Variants in LRRC4C observed in about 807,000 individuals in gnomAD.
LRRC4C encodes leucine rich repeat containing 4C.
Under a neutral mutation model 33.6 loss-of-function variants are expected in LRRC4C, and 5 were observed. The ratio of observed to expected loss-of-function variants is 0.15; its 90% CI spans 0.08 to 0.31. The LOEUF (loss-of-function observed/expected upper bound fraction) is 0.31, where lower values mean the gene tolerates loss of function less well. Among genes scored for constraint, LRRC4C ranks in the 10% least tolerant of loss-of-function variants. The pLI, the probability that LRRC4C is intolerant of heterozygous loss-of-function variation, is 1.00. For synonymous variants in LRRC4C, 329 were observed against 302.0 expected (o/e 1.09, Z -0.93); for missense variants, 560 against 796.7 (o/e 0.70, Z 3.58).
At chr11:41,307,217 G>T (rs1950529835) in intron 1 of LRRC4C, among the ~76,000 whole-genome samples, 1 of 151,978 alleles carries the variant, frequency 6.6e-6, no homozygotes, top group Middle Eastern at 3.4e-3. Flanking sequence ...CAAAATGCAA[G>T]CACCAGTGAT....
At chr11:40,205,331 T>A (rs1451389632) in intron 5 of LRRC4C, among the ~76,000 whole-genome samples, 1 of 152,184 alleles carries the variant, frequency 6.6e-6, no homozygotes, top group Non-Finnish European at 1.5e-5. Flanking sequence ...CTTTCAGTAA[T>A]GTTTTCTTAA....
At chr11:40,704,871 G>C (rs1024724362) in intron 2 of LRRC4C, among the ~76,000 whole-genome samples, 1 of 151,942 alleles carries the variant, frequency 6.6e-6, no homozygotes, top group African/African-American at 2.4e-5. Context: ...AATTCTTTCT[G>C]TAAATATTGA....
chr11:40,732,893 G>T (rs1458687283), intron 2 of LRRC4C, among the ~76,000 whole-genome samples: 1 of 151,854 alleles, frequency 6.6e-6, no homozygotes, highest in African/African-American at 2.4e-5. Context: ...ATTAGGTTAA[G>T]ACATTCTTAA....
chr11:40,314,491 G>C (rs981886492), intron 4 of LRRC4C, among the ~76,000 whole-genome samples: 8 of 151,960 alleles, frequency 5.3e-5, no homozygotes, highest in Non-Finnish European at 1.2e-4. Flanking sequence ...AAGTATGAAC[G>C]TTCCTCAAAA....
At chr11:40,456,805 A>G (rs920860359) in intron 3 of LRRC4C, among the ~76,000 whole-genome samples, 6 of 151,622 alleles carry the variant, frequency 4.0e-5, no homozygotes, top group Non-Finnish European at 5.9e-5. Context: ...GTGACCTTGT[A>G]CAAAAAGAAG....
intron 3 of LRRC4C, among the ~76,000 whole-genome samples, chr11:40,486,159 A>T (rs1215446552): frequency 2.1e-5 from 3 of 140,744 alleles, no homozygotes; most frequent in Admixed American, 7.2e-5. Context: ...AAGTTTAAAA[A>T]AAAAAAAAAA....
At chr11:41,007,464 T>C (rs1220903300) in intron 1 of LRRC4C, among the ~76,000 whole-genome samples, 1 of 152,082 alleles carries the variant, frequency 6.6e-6, no homozygotes, top group East Asian at 1.9e-4. Context: ...TGGAGAGTAT[T>C]TGGCAATATC....
chr11:40,742,915 GGGCCTAGT>G (rs1259471098), intron 2 of LRRC4C, among the ~76,000 whole-genome samples: 1 of 151,972 alleles, frequency 6.6e-6, no homozygotes. Context: ...GTCACCAGTA[GGGCCTAGT>G]GACATACATA....
At chr11:41,360,361 T>C (rs1952311532) in intron 1 of LRRC4C, among the ~76,000 whole-genome samples, 1 of 151,950 alleles carries the variant, frequency 6.6e-6, no homozygotes, top group Non-Finnish European at 1.5e-5. Context: ...TATCTATCCA[T>C]AGCCCAAGAA....
intron 2 of LRRC4C, among the ~76,000 whole-genome samples, chr11:40,761,102 T>C (rs911216751): frequency 1.3e-5 from 2 of 151,848 alleles, no homozygotes; most frequent in African/African-American, 4.8e-5. Context: ...TTATGTTTAA[T>C]TTTAGTTTGG....
chr11:41,401,887 C>T (rs961572043), intron 1 of LRRC4C, among the ~76,000 whole-genome samples: 2 of 151,916 alleles, frequency 1.3e-5, no homozygotes, highest in Admixed American at 6.6e-5. Context: ...TAAAGGAATG[C>T]CATTGCATTC....
rs147151895 is a variant in LRRC4C at position 40,951,972 on chromosome 11, T to TAA, written c.-495-18251_-495-18250dup. Among the ~76,000 whole-genome samples, 1,150 of 152,014 alleles carry TAA rather than the reference T, an allele frequency of 7.6e-3. 13 individuals carry two copies. The highest frequency in any genetic ancestry group is 0.027 in the African/African-American group (1,103 of 41,492). On this transcript the variant is annotated intron_variant, in intron 1 of 6. Coordinates refer to ENST00000528697, the MANE Select transcript of LRRC4C (RefSeq NM_001258419.2). The stretch of plus-strand genomic sequence containing the variant: ...GCCCAATCTGTTCAAATGGGTACAA[T>TAA]AATTATCTCAAAATTTGCTCTAAGG...
chr11:40,718,105 C>T (rs901501964), intron 2 of LRRC4C, among the ~76,000 whole-genome samples: 1 of 152,108 alleles, frequency 6.6e-6, no homozygotes, highest in African/African-American at 2.4e-5. Flanking sequence ...TTCCATCAAA[C>T]GCATGGTGGA....
chr11:40,778,518 T>C (rs1465086137), intron 2 of LRRC4C, among the ~76,000 whole-genome samples: 1 of 152,142 alleles, frequency 6.6e-6, no homozygotes, highest in South Asian at 2.1e-4. Flanking sequence ...TTAACCTCTA[T>C]ACTTTAATGA....
chr11:41,300,895 A>T (rs1461385090), intron 1 of LRRC4C, among the ~76,000 whole-genome samples: 1 of 152,112 alleles, frequency 6.6e-6, no homozygotes. Context: ...TTCCCAATCT[A>T]TAATTATTTT....
chr11:41,353,046 A>G (rs1952035527), intron 1 of LRRC4C, among the ~76,000 whole-genome samples: 1 of 152,122 alleles, frequency 6.6e-6, no homozygotes, highest in South Asian at 2.1e-4. Flanking sequence ...ACTGAAGAAA[A>G]TCAAGACATG....
intron 5 of LRRC4C, among the ~76,000 whole-genome samples, chr11:40,227,824 T>G (rs1410088384): frequency 1.3e-5 from 2 of 152,148 alleles, no homozygotes; most frequent in African/African-American, 2.4e-5. Flanking sequence ...TAACATAGAT[T>G]GTTAATTTTT....
chr11:40,771,323 A>T (rs771146267), intron 2 of LRRC4C, among the ~76,000 whole-genome samples: 3 of 152,138 alleles, frequency 2.0e-5, no homozygotes, highest in Non-Finnish European at 4.4e-5. Context: ...CCATGGCTGG[A>T]ACTGAAGCAG....
intron 4 of LRRC4C, among the ~76,000 whole-genome samples, chr11:40,289,904 C>T (rs949603883): frequency 1.9e-4 from 29 of 152,124 alleles, no homozygotes; most frequent in African/African-American, 6.8e-4. Flanking sequence ...TCACTTCTTT[C>T]CCTTTCTCTC....
Sources: gnomAD v4.1 joint callset for allele counts (sites outside exome capture counted in the v4.1 genomes callset) on GRCh38, gnomAD v4.1.1 for gene constraint, MANE v1.5 for transcripts, NCBI Gene and HGNC (gene_info 2026-07-23, HGNC 2026-07-21) for gene names.